GSE1: variants seen among roughly 807,000 people sequenced by gnomAD.
The protein encoded by GSE1 is Gse1 coiled-coil protein, also known as genetic suppressor element 1.
A neutral mutation model predicts 112.6 loss-of-function variants in GSE1; 32 were observed. The ratio of observed to expected loss-of-function variants is 0.28; its 90% CI spans 0.21 to 0.38. The LOEUF is 0.38. Ranked by LOEUF, GSE1 falls within the 10% of genes least tolerant of loss-of-function variation. The pLI is 1.00. For synonymous variants in GSE1, 1,115 were observed against 735.6 expected, an observed-to-expected ratio of 1.52 and a Z score of -8.35; for missense variants, 2,348 against 1,699.2, an observed-to-expected ratio of 1.38 and a Z score of -6.71.
At chr16:85,255,356 T>G (rs540589438) in intron 1 of GSE1, among the ~76,000 whole-genome samples, 5 of 151,780 alleles carry the variant, frequency 3.3e-5, no homozygotes, top group East Asian at 3.9e-4. Flanking sequence ...CCACTGATGA[T>G]ACCCCTCCCA....
chr16:85,426,398 G>T (rs879506782), intron 2 of GSE1, among the ~76,000 whole-genome samples: 2 of 139,936 alleles, frequency 1.4e-5, no homozygotes, highest in Non-Finnish European at 3.1e-5. Flanking sequence ...GTGGGTGAAT[G>T]AATGTGGATG....
chr16:85,456,264 G>A (rs922683156), intron 2 of GSE1, among the ~76,000 whole-genome samples: 2 of 152,214 alleles, frequency 1.3e-5, no homozygotes, highest in Non-Finnish European at 2.9e-5. Context: ...TTGAGAAGCA[G>A]TGGAGCTGGG....
At position 85,640,665 on chromosome 16, in the gene GSE1, G is replaced by A. The variant is rs532118479; in HGVS notation, c.226+6533G>A. On this transcript the variant is annotated intron_variant, in intron 2 of 15. Coordinates refer to ENST00000253458, the MANE Select transcript of GSE1 (RefSeq NM_014615.5). ...GAGCTGCCGTGGGAATGCTTCCACCGTGGAGCCGGCCTGGGCGGGGGAGAG... is the reference window on the plus strand; with the variant it reads ...GAGCTGCCGTGGGAATGCTTCCACCATGGAGCCGGCCTGGGCGGGGGAGAG... Among the ~76,000 whole-genome samples the A allele has an allele frequency of 1.1e-4, 16 of 152,376 alleles. No homozygotes were observed. In the South Asian group the frequency reaches 1.2e-3, roughly 12 times the overall value.
At chr16:85,390,067 C>A (rs2047802065) in intron 2 of GSE1, among the ~76,000 whole-genome samples, 1 of 152,166 alleles carries the variant, frequency 6.6e-6, no homozygotes, top group African/African-American at 2.4e-5. Flanking sequence ...CAGATCAGGC[C>A]TAGAAAGTAC....
At chr16:85,621,415 C>G (rs2048735498) in intron 1 of GSE1, among the ~76,000 whole-genome samples, 1 of 152,234 alleles carries the variant, frequency 6.6e-6, no homozygotes, top group African/African-American at 2.4e-5. Flanking sequence ...GAGATCGTAT[C>G]TATTTTAAAT....
chr16:85,404,202 CT>C lies in GSE1; in HGVS notation c.2464+46560del, dbSNP rs202113815. On this transcript the variant is annotated intron_variant, in intron 2 of 2. Coordinates refer to the GSE1 transcript ENST00000637419. ...CCTCACCGTTACACTCAGGGCCCCC[CT>C]GGATAATCCTCACCGTTACACTCAG... Among the ~76,000 whole-genome samples, 40 of 100,922 alleles carry C rather than the reference CT, an allele frequency of 4.0e-4. 1 individual carries two copies. The highest frequency in any genetic ancestry group is 8.1e-4 in the South Asian group (2 of 2,482). 66.2% of individuals were successfully genotyped at this position (100,922 alleles called of 152,430 possible).
intron 2 of GSE1, among the ~76,000 whole-genome samples, chr16:85,446,792 A>C (rs893861209): frequency 1.2e-4 from 19 of 152,158 alleles, no homozygotes; most frequent in African/African-American, 4.6e-4. Flanking sequence ...TGCGTTGGGC[A>C]GGTTGGCTCA....
chr16:85,179,886 C>T (rs1361585969), intron 1 of GSE1, among the ~76,000 whole-genome samples: 2 of 152,236 alleles, frequency 1.3e-5, no homozygotes, highest in Non-Finnish European at 2.9e-5. Flanking sequence ...GCAAGATGTT[C>T]TACCCTGGCT....
chr16:85,659,333 C>T (rs954761463), intron 8 of GSE1: 2 of 152,250 alleles, frequency 1.3e-5, no homozygotes, highest in East Asian at 1.9e-4. Context: ...CAGTATTGGT[C>T]CAGACATCCT....
Position 85,656,806 on chromosome 16 carries a change from T to C in GSE1, c.1312+141T>C, listed in dbSNP as rs552170164. 1.3e-4 allele frequency: 157 copies of C among 1,217,436 alleles called. No individual in the cohort carries two copies. In the African/African-American group the frequency reaches 1.7e-3, roughly 13 times the overall value. 75.4% of individuals were successfully genotyped at this position (1,217,436 alleles called of 1,614,324 possible). On this transcript the variant is annotated intron_variant, in intron 7 of 15. Coordinates refer to ENST00000253458, the MANE Select transcript of GSE1 (RefSeq NM_014615.5). ...CCTAAAAGCGTGGTGTGGCTGAACA[T>C]GGAGTAGGGAGCAGAGGCACGTTGG...
intron 1 of GSE1, among the ~76,000 whole-genome samples, chr16:85,600,713 A>G (rs73271218): frequency 0.1 from 15,292 of 152,082 alleles, 2,511 homozygotes; most frequent in African/African-American, 0.34. Flanking sequence ...GGGACTCTGA[A>G]GGCTGATGAA....
chr16:85,609,016 C>A (rs901097252), upstream of GSE1, among the ~76,000 whole-genome samples: 14 of 152,324 alleles, frequency 9.2e-5, no homozygotes, highest in African/African-American at 3.4e-4. Context: ...GATCCATCCT[C>A]CGCCAGGGCT....
chr16:85,522,825 G>A (rs2151159063), intron 2 of GSE1, among the ~76,000 whole-genome samples: 1 of 152,194 alleles, frequency 6.6e-6, no homozygotes. Flanking sequence ...ATGTATAAGT[G>A]TCAGGAGTGA....
rs548625624 is a variant in GSE1 at position 85,510,574 on chromosome 16, G to C, written c.2465-123340G>C. ...CTCAGCAGGGGCCGGGGCTGTTTCT[G>C]AGGCTCTCTGCTGGAAAACACTGGA... is the stretch of plus-strand genomic sequence containing the variant. On this transcript the variant is annotated intron_variant, in intron 2 of 2. Coordinates refer to the GSE1 transcript ENST00000637419. 2.9e-3 allele frequency among the ~76,000 whole-genome samples: 448 copies of C among 152,358 alleles called. 3 individuals are homozygous for C. Among genetic ancestry groups the C allele is most frequent in the African/African-American group, 0.01 (432 of 41,586 alleles).
intron 2 of GSE1, among the ~76,000 whole-genome samples, chr16:85,639,275 T>C (rs893067271): frequency 6.6e-6 from 1 of 152,212 alleles, no homozygotes; most frequent in Non-Finnish European, 1.5e-5. Context: ...CACCGGGTCC[T>C]TGGGTACAAG....
chr16:85,670,941 G>C (rs928862098), intron 14 of GSE1, 54 bp from the exon 15 acceptor site: 1 of 1,087,016 alleles, frequency 9.2e-7, no homozygotes, highest in African/African-American at 1.5e-5. Context: ...AGCACAAAGC[G>C]GGCCTTCGGG....
At chr16:85,448,194 C>T (rs969367078) in intron 2 of GSE1, among the ~76,000 whole-genome samples, 2 of 152,200 alleles carry the variant, frequency 1.3e-5, no homozygotes, top group Admixed American at 6.5e-5. Context: ...GACGGAGAGT[C>T]TCAGCCTCGC....
chr16:85,483,921 TC>T (rs1417363425), intron 2 of GSE1, among the ~76,000 whole-genome samples: 5 of 152,184 alleles, frequency 3.3e-5, no homozygotes, highest in Non-Finnish European at 7.4e-5. Context: ...TCTGCTGCCA[TC>T]CTCTCAGCTG....
intron 1 of GSE1, among the ~76,000 whole-genome samples, chr16:85,301,000 G>A (rs370447007): frequency 2.1e-4 from 32 of 152,276 alleles, no homozygotes; most frequent in African/African-American, 7.0e-4. Flanking sequence ...CGGCCACAGG[G>A]TCCAGTGTGT....
Sources: gnomAD v4.1 joint callset for allele counts (sites outside exome capture counted in the v4.1 genomes callset) on GRCh38, gnomAD v4.1.1 for gene constraint, MANE v1.5 for transcripts, NCBI Gene and HGNC (gene_info 2026-07-23, HGNC 2026-07-21) for gene names.